Variants in SSMEM1 observed in about 807,000 individuals in gnomAD.
The protein encoded by SSMEM1 is serine-rich single-pass membrane protein 1.
Under a neutral mutation model 9.9 loss-of-function variants are expected in SSMEM1, and 12 were observed. The observed-to-expected ratio is 1.21, with a 90% CI of 0.78 to 1.96. SSMEM1 has a LOEUF of 1.96. Among genes scored for constraint, SSMEM1 ranks in the 30% most tolerant of loss-of-function variants. The pLI is 0.00. For synonymous variants in SSMEM1, 96 were observed against 98.9 expected (o/e 0.97, Z 0.17); for missense variants, 259 against 292.2 (o/e 0.89, Z 0.83).
chr7:130,205,475 G>C (rs1202843094), upstream of SSMEM1: 25 of 1,570,254 alleles, frequency 1.6e-5, no homozygotes, highest in Non-Finnish European at 2.1e-5. Flanking sequence ...TAAAGTTACC[G>C]GAAGAACTAG....
At chr7:130,215,939 A>G in intron 2 of SSMEM1, 35 bp from the exon 3 acceptor site, 1 of 1,603,062 alleles carries the variant, frequency 6.2e-7, no homozygotes, top group East Asian at 2.2e-5. Flanking sequence ...GTAACCAACA[A>G]TATTACTAAC....
intron 2 of SSMEM1, 79 bp from the exon 3 acceptor site, chr7:130,215,895 C>T (rs904225027): frequency 2.3e-5 from 36 of 1,540,874 alleles, no homozygotes; most frequent in East Asian, 1.8e-4. Flanking sequence ...TGAGCTCACA[C>T]GTGCACAGGC....
Position 130,216,074 on chromosome 7 carries a change from C to A in SSMEM1, c.339C>A (p.Thr113=), listed in dbSNP as rs780788718. The A allele has an allele frequency of 1.9e-6, 3 of 1,614,082 alleles. No individual in the cohort carries two copies. Among genetic ancestry groups the A allele is most frequent in the Non-Finnish European group, 2.5e-6 (3 of 1,180,052 alleles). Residue 113 remains threonine (T), a synonymous_variant, in exon 3 of 3, where the codon ACC becomes ACA. Transcript: ENST00000297819. ...AGCAGAACCAACTTACCCCTGTAAC[C>A]AACTCAGAAGTGGCTTTGGTCAATG... ...KPKQNQLTPV[T]NSEVALVNAY...
intron 1 of SSMEM1, 62 bp from the exon 2 acceptor site, chr7:130,213,418 A>G: frequency 7.2e-7 from 1 of 1,391,304 alleles, no homozygotes; most frequent in Non-Finnish European, 1.0e-6. Flanking sequence ...GTGTTTTATA[A>G]CAAGTACATA....
At chr7:130,206,982 C>CT (rs1202664986), upstream of SSMEM1, 3 of 135,108 alleles carry the variant, frequency 2.2e-5, no homozygotes, top group East Asian at 2.2e-4. Context: ...TGAGACCCTG[C>CT]TAAAAAAAAA....
chr7:130,213,556 G>T (rs764554525), intron 2 of SSMEM1, 22 bp downstream of exon 2: 1 of 1,607,362 alleles, frequency 6.2e-7, no homozygotes, highest in South Asian at 1.1e-5. Context: ...TGCATATTTG[G>T]TGTTGGACTA....
At chr7:130,215,320 A>G (rs1322389744) in intron 2 of SSMEM1, among the ~76,000 whole-genome samples, 1 of 152,164 alleles carries the variant, frequency 6.6e-6, no homozygotes, top group East Asian at 1.9e-4. Context: ...AAAAAAAAAC[A>G]AAACAAAAAA....
Position 130,216,182 on chromosome 7 carries a change from G to T in SSMEM1, c.447G>T (p.Glu149Asp). The change falls in exon 3 of 3, where the codon GAG becomes GAT. Residue 149 changes from glutamate to aspartate, a missense_variant. Glu to Asp is a conservative substitution (Grantham distance 45). Transcript: ENST00000297819. Reference protein sequence around the residue: ...NQNQHDSDTTEYGSEESNSEA... With the variant: ...NQNQHDSDTTDYGSEESNSEA... ...ACCAACATGACAGTGATACTACGGA[G>T]TATGGCAGTGAAGAGTCTAACTCAG... 2 of 1,614,216 alleles carry T rather than the reference G, an allele frequency of 1.2e-6. No individual in the cohort carries two copies. Among genetic ancestry groups the T allele is most frequent in the Non-Finnish European group, 1.7e-6 (2 of 1,180,046 alleles).
chr7:130,215,963 T>C lies in SSMEM1; in HGVS notation c.239-11T>C, dbSNP rs770004245. On this transcript the variant is annotated splice_polypyrimidine_tract_variant and intron_variant, in intron 2 of 2. Coordinates refer to ENST00000297819, the MANE Select transcript of SSMEM1 (RefSeq NM_145268.4). ...AATATTACTAACTTGATATGTTTCA[T>C]TGGTTGTTAGCAAGCAAAGAGACTT... 7 of 1,611,956 alleles carry C rather than the reference T, an allele frequency of 4.3e-6. No homozygotes were observed. The Admixed American group carries it at 1.0e-4, about 23-fold the overall frequency.
chr7:130,209,964 T>C (rs1045256031), intron 1 of SSMEM1, among the ~76,000 whole-genome samples: 5 of 152,214 alleles, frequency 3.3e-5, no homozygotes, highest in Admixed American at 2.6e-4. Flanking sequence ...CAAGAGAGCA[T>C]GTGGTCCAGC....
Position 130,208,171 on chromosome 7 carries a change from C to A in SSMEM1, c.183+78C>A, listed in dbSNP as rs940106190. On this transcript the variant is annotated intron_variant, in intron 1 of 2. Coordinates refer to ENST00000297819, the MANE Select transcript of SSMEM1 (RefSeq NM_145268.4). The stretch of plus-strand genomic sequence containing the variant: ...ATTTCCATAAAATACATTTACTATA[C>A]TTTGATGAAACTACTTTTAAAAGTT... 30 of 1,354,472 alleles carry A rather than the reference C, an allele frequency of 2.2e-5. 1 individual carries two copies. The Middle Eastern group carries it at 6.0e-4, about 27-fold the overall frequency. 83.9% of individuals were successfully genotyped at this position (1,354,472 alleles called of 1,614,324 possible). A position where few individuals can be genotyped will look rare whatever the true frequency, so the allele number is the denominator to read the frequency against.
At chr7:130,207,550 G>T (rs1379250489), upstream of SSMEM1, among the ~76,000 whole-genome samples, 1 of 152,150 alleles carries the variant, frequency 6.6e-6, no homozygotes, top group East Asian at 1.9e-4. Context: ...AACTGTCTAT[G>T]ATAATTTGCA....
intron 1 of SSMEM1, among the ~76,000 whole-genome samples, chr7:130,210,040 C>T (rs956744351): frequency 8.5e-5 from 13 of 152,110 alleles, no homozygotes; most frequent in African/African-American, 2.9e-4. Flanking sequence ...TGATAAGCCC[C>T]AAGTAAATTA....
At chr7:130,212,795 TC>T (rs1798617601) in intron 1 of SSMEM1, among the ~76,000 whole-genome samples, 1 of 151,908 alleles carries the variant, frequency 6.6e-6, no homozygotes. Flanking sequence ...CTGAGTACTA[TC>T]AAATTTTTTA....
chr7:130,207,111 T>TC (rs1400647443), upstream of SSMEM1: 2 of 156,718 alleles, frequency 1.3e-5, no homozygotes, highest in Non-Finnish European at 2.9e-5. Context: ...TCTGTGTTTT[T>TC]CCCTCTTAAT....
chr7:130,213,750 TA>T (rs1798650313), intron 2 of SSMEM1, among the ~76,000 whole-genome samples: 1 of 99,154 alleles, frequency 1.0e-5, no homozygotes, highest in East Asian at 2.7e-4. Flanking sequence ...AAAAATGAAA[TA>T]AAGACAAAGA....
At chr7:130,210,331 A>G (rs1056703947) in intron 1 of SSMEM1, among the ~76,000 whole-genome samples, 1 of 152,148 alleles carries the variant, frequency 6.6e-6, no homozygotes, top group Non-Finnish European at 1.5e-5. Context: ...CTTCACTTTG[A>G]ACTTCTTCAT....
In SSMEM1 at chr7:130,208,022, A is replaced by G. The variant is rs1319192476; in HGVS notation, c.112A>G (p.Ile38Val). 1.9e-6 allele frequency: 3 copies of G among 1,614,086 alleles called. No individual in the cohort carries two copies. The highest frequency in any genetic ancestry group is 1.3e-5 in the African/African-American group (1 of 75,042). ...ECWKDDSCGTIGSFLLWYFVI... is the reference protein window; with the variant it reads ...ECWKDDSCGTVGSFLLWYFVI... ...CTGGAAGGATGACTCTTGTGGAACC[A>G]TAGGGAGCTTCCTGCTTTGGTATTT... Residue 38 changes from isoleucine (I) to valine (V), a missense_variant, in exon 1 of 3, where the codon ATA becomes GTA. Coordinates refer to ENST00000297819, the MANE Select transcript of SSMEM1 (RefSeq NM_145268.4).
At chr7:130,210,846 A>C (rs1018236528) in intron 1 of SSMEM1, among the ~76,000 whole-genome samples, 6 of 152,218 alleles carry the variant, frequency 3.9e-5, no homozygotes, top group South Asian at 4.1e-4. Context: ...TTTGACATCA[A>C]ATGTGAGAGC....
Sources: gnomAD v4.1 joint callset for allele counts (sites outside exome capture counted in the v4.1 genomes callset) on GRCh38, gnomAD v4.1.1 for gene constraint, MANE v1.5 for transcripts, NCBI Gene and HGNC (gene_info 2026-07-23, HGNC 2026-07-21) for gene names.